NINL: variants seen among roughly 807,000 people sequenced by gnomAD.
NINL encodes ninein like.
Under a neutral mutation model 160.3 loss-of-function variants are expected in NINL, and 153 were observed. The observed-to-expected ratio is 0.95, with a 90% CI of 0.84 to 1.09. NINL has a LOEUF of 1.09. NINL is among the 50% of genes least tolerant of loss of function. NINL has a pLI of 0.00. For synonymous variants in NINL, 800 were observed against 734.8 expected (o/e 1.09, Z -1.43); for missense variants, 1,829 against 1,764.0 (o/e 1.04, Z -0.66).
At chr20:25,505,199 G>A (rs1018893570) in intron 5 of NINL, 121 bp from the exon 6 acceptor site, 34 of 916,214 alleles carry the variant, frequency 3.7e-5, no homozygotes, top group South Asian at 3.5e-4. Context: ...AGGACATTAC[G>A]CTAAGTGAAA....
At chr20:25,512,585 G>C (rs767327462) in intron 4 of NINL, among the ~76,000 whole-genome samples, 9 of 152,172 alleles carry the variant, frequency 5.9e-5, no homozygotes, top group African/African-American at 2.2e-4. Context: ...CTCCTGCACA[G>C]TCTGAGGAAA....
At chr20:25,528,995 C>T (rs1446022970) in intron 1 of NINL, among the ~76,000 whole-genome samples, 3 of 152,058 alleles carry the variant, frequency 2.0e-5, no homozygotes, top group Non-Finnish European at 2.9e-5. Flanking sequence ...ACACAGGGTA[C>T]GGAAGTTGGA....
At position 25,460,855 on chromosome 20, in the gene NINL, G is replaced by A. The variant is rs570118908; in HGVS notation, c.3696+667C>T. Reference sequence around the variant, plus strand: ...CCCACAGCCCCCTTTCCTCTCTGTAGCCAAGCTTCCAAGTGTGCCCCGCAC... The same window carrying A: ...CCCACAGCCCCCTTTCCTCTCTGTAACCAAGCTTCCAAGTGTGCCCCGCAC... On this transcript the variant is annotated intron_variant, in intron 21 of 23. Coordinates refer to ENST00000278886, the MANE Select transcript of NINL (RefSeq NM_025176.6). Among the ~76,000 whole-genome samples the A allele has an allele frequency of 9.2e-5, 14 of 152,296 alleles. 1 individual carries two copies. The South Asian group carries it at 2.9e-3, about 32-fold the overall frequency.
chr20:25,460,717 G>A (rs1448890027), intron 21 of NINL, among the ~76,000 whole-genome samples: 8 of 152,154 alleles, frequency 5.3e-5, no homozygotes, highest in Non-Finnish European at 2.9e-5. Flanking sequence ...TGACCCCTCT[G>A]TGCCTCAGGA....
chr20:25,508,033 G>A (rs1395773271), intron 5 of NINL, among the ~76,000 whole-genome samples: 2 of 152,140 alleles, frequency 1.3e-5, no homozygotes, highest in South Asian at 2.1e-4. Context: ...AGCCTCCTGC[G>A]AGCCCTTCCC....
chr20:25,524,188 T>C (rs2064312491), intron 2 of NINL, among the ~76,000 whole-genome samples: 1 of 151,800 alleles, frequency 6.6e-6, no homozygotes, highest in Non-Finnish European at 1.5e-5. Context: ...AAAAGAAAAA[T>C]GGTCCACCAT....
chr20:25,552,103 C>T (rs1223827615), intron 1 of NINL, among the ~76,000 whole-genome samples: 2 of 152,166 alleles, frequency 1.3e-5, no homozygotes, highest in African/African-American at 4.8e-5. Flanking sequence ...TGACTCCATT[C>T]CCAGGCTTAA....
intron 1 of NINL, among the ~76,000 whole-genome samples, chr20:25,539,692 G>A (rs1384309973): frequency 6.6e-6 from 1 of 152,126 alleles, no homozygotes; most frequent in African/African-American, 2.4e-5. Context: ...TACAACCAAT[G>A]CAAATGACAG....
At chr20:25,459,289 G>A (rs981522377) in intron 21 of NINL, among the ~76,000 whole-genome samples, 2 of 152,078 alleles carry the variant, frequency 1.3e-5, no homozygotes, top group Admixed American at 6.5e-5. Context: ...AACACCCTGC[G>A]CCACACTGCC....
chr20:25,471,885 CCATAA>C lies in NINL; in HGVS notation c.3249-1795_3249-1791del, dbSNP rs1225287838. 9.2e-5 allele frequency among the ~76,000 whole-genome samples: 14 copies of C among 152,272 alleles called. 1 individual carries two copies. In the South Asian group the frequency reaches 2.9e-3, roughly 32 times the overall value. On this transcript the variant is annotated intron_variant, in intron 17 of 23. Transcript: ENST00000278886. ...AATATGAGCTCACAATCAAAGATCACCATAACATACATGGAGCAAAGCCACCCATA... is the reference window on the plus strand; with the variant it reads ...AATATGAGCTCACAATCAAAGATCACCATACATGGAGCAAAGCCACCCATA...
intron 8 of NINL, chr20:25,499,097 G>C: frequency 1.0e-6 from 1 of 985,472 alleles, no homozygotes; most frequent in Non-Finnish European, 1.2e-6. Flanking sequence ...GGCTGAAGCA[G>C]GTGCCAGGAC....
At chr20:25,469,828 T>C (rs2063048722) in intron 18 of NINL, among the ~76,000 whole-genome samples, 163 bp downstream of exon 18, 1 of 152,222 alleles carries the variant, frequency 6.6e-6, no homozygotes, top group African/African-American at 2.4e-5. Flanking sequence ...CTCCCACATC[T>C]GCCGAGTCGT....
chr20:25,486,124 G>A (rs1248098881), intron 13 of NINL, among the ~76,000 whole-genome samples: 1 of 152,252 alleles, frequency 6.6e-6, no homozygotes, highest in Non-Finnish European at 1.5e-5. Flanking sequence ...ACAGTTGCAT[G>A]TGGGTAAAGG....
chr20:25,564,907 A>C (rs1238974532), intron 1 of NINL, among the ~76,000 whole-genome samples: 4 of 152,216 alleles, frequency 2.6e-5, no homozygotes, highest in Admixed American at 2.6e-4. Flanking sequence ...CAGCGGGCAA[A>C]TACAGAGATC....
chr20:25,534,763 A>G (rs1422199099), intron 1 of NINL, among the ~76,000 whole-genome samples: 1 of 152,222 alleles, frequency 6.6e-6, no homozygotes, highest in African/African-American at 2.4e-5. Context: ...CATGGATACC[A>G]AAATCACAGA....
At position 25,512,906 on chromosome 20, in the gene NINL, G is replaced by A. The variant is rs201112687; in HGVS notation, c.378C>T (p.Arg126=). ...TGGCCTGGGTTTGCTGCTCCGGCACGCGTCTGGCTTCTGTGGCAGCGTCAC... is the reference window on the plus strand; with the variant it reads ...TGGCCTGGGTTTGCTGCTCCGGCACACGTCTGGCTTCTGTGGCAGCGTCAC... The part of the protein sequence containing the change: ...ELCDAATEAR[R]VPEQQTQASL... Residue 126 remains arginine (R), a synonymous_variant, in exon 4 of 24, where the codon CGC becomes CGT. Coordinates refer to ENST00000278886, the MANE Select transcript of NINL (RefSeq NM_025176.6). 6.7e-5 allele frequency: 108 copies of A among 1,614,172 alleles called. No individual in the cohort carries two copies. The East Asian group carries it at 9.1e-4, about 14-fold the overall frequency.
At chr20:25,569,830 G>A (rs1030895853) in intron 1 of NINL, among the ~76,000 whole-genome samples, 2 of 152,182 alleles carry the variant, frequency 1.3e-5, no homozygotes, top group Admixed American at 1.3e-4. Context: ...TGTCACGACT[G>A]TCAAGGAACC....
In NINL at chr20:25,500,998, T is replaced by C. The variant is rs1412048492; in HGVS notation, c.874A>G (p.Ser292Gly). The C allele has an allele frequency of 1.2e-6, 2 of 1,613,868 alleles. No homozygotes were observed. The highest frequency in any genetic ancestry group is 2.2e-5 in the East Asian group (1 of 44,876). Residue 292 changes from serine to glycine, a missense_variant, in exon 8 of 24, where the codon AGC becomes GGC. Coordinates refer to ENST00000278886, the MANE Select transcript of NINL (RefSeq NM_025176.6). ...AWSHYQVPEE[S>G]GCHTTTTSSL... ...GAGGTTGTGGTGGTGTGGCAGCCGC[T>C]CTCCTCTGGGACCTGCATGTCAGGA... is the stretch of plus-strand genomic sequence containing the variant.
chr20:25,479,883 C>T (rs115556915), intron 15 of NINL, among the ~76,000 whole-genome samples: 133 of 152,344 alleles, frequency 8.7e-4, no homozygotes, highest in African/African-American at 3.0e-3. Flanking sequence ...GGGCTGGCCA[C>T]GGCGCTGCGC....
Sources: gnomAD v4.1 joint callset for allele counts (sites outside exome capture counted in the v4.1 genomes callset) on GRCh38, gnomAD v4.1.1 for gene constraint, MANE v1.5 for transcripts, NCBI Gene and HGNC (gene_info 2026-07-23, HGNC 2026-07-21) for gene names.